SLC23A2: variants seen among roughly 807,000 people sequenced by gnomAD.
The protein encoded by SLC23A2 is Na(+)/L-ascorbic acid transporter 2.
Under a neutral mutation model 73.3 loss-of-function variants are expected in SLC23A2, and 36 were observed. The ratio of observed to expected loss-of-function variants is 0.49; its 90% CI spans 0.38 to 0.65. The LOEUF (loss-of-function observed/expected upper bound fraction) is 0.65. Among genes scored for constraint, SLC23A2 ranks in the 30% least tolerant of loss-of-function variants. SLC23A2 has a pLI of 0.00. For missense variants in SLC23A2, 507 were observed against 841.6 expected (o/e 0.60, Z 4.92); for synonymous variants, 343 against 327.3 (o/e 1.05, Z -0.52).
At chr20:4,910,001 C>A (rs1932085925) in intron 4 of SLC23A2, among the ~76,000 whole-genome samples, 1 of 152,240 alleles carries the variant, frequency 6.6e-6, no homozygotes, top group African/African-American at 2.4e-5. Context: ...CAGGGCAGCA[C>A]ATCCAGTGCA....
At chr20:4,923,942 T>C (rs1932581997) in intron 3 of SLC23A2, among the ~76,000 whole-genome samples, 1 of 152,190 alleles carries the variant, frequency 6.6e-6, no homozygotes, top group African/African-American at 2.4e-5. Flanking sequence ...TGTACCTCCC[T>C]ACATCTTTCT....
chr20:4,933,607 T>C (rs1600146951), intron 2 of SLC23A2, among the ~76,000 whole-genome samples: 1 of 151,432 alleles, frequency 6.6e-6, no homozygotes, highest in East Asian at 1.9e-4. Context: ...CTAGCCCGGA[T>C]GATAGAGTAA....
At chr20:4,892,983 G>A (rs1159698366) in intron 6 of SLC23A2, among the ~76,000 whole-genome samples, 1 of 151,988 alleles carries the variant, frequency 6.6e-6, no homozygotes, top group Non-Finnish European at 1.5e-5. Flanking sequence ...TCTTAGGTGT[G>A]ACAAATGGTC....
At chr20:4,866,714 T>C (rs1177777600) in intron 13 of SLC23A2, among the ~76,000 whole-genome samples, 1 of 152,134 alleles carries the variant, frequency 6.6e-6, no homozygotes, top group Non-Finnish European at 1.5e-5. Flanking sequence ...GCAATCAAGG[T>C]TAATCAAACT....
chr20:4,912,389 G>A (rs1403682449), intron 4 of SLC23A2, among the ~76,000 whole-genome samples: 2 of 151,940 alleles, frequency 1.3e-5, no homozygotes, highest in African/African-American at 4.8e-5. Flanking sequence ...CTTATTTACT[G>A]CACATGTATC....
At chr20:4,941,866 A>G (rs2087047819) in intron 2 of SLC23A2, among the ~76,000 whole-genome samples, 2 of 152,248 alleles carry the variant, frequency 1.3e-5, no homozygotes, top group South Asian at 4.1e-4. Flanking sequence ...AATGAAAAAG[A>G]TAGTATGTAC....
rs1191580934 is a variant in SLC23A2, at chr20:4,998,458, GAGA to G, written c.-282+2945_-282+2947del. 1.3e-5 allele frequency among the ~76,000 whole-genome samples: 2 copies of G among 152,186 alleles called. No homozygotes were observed. Among genetic ancestry groups the G allele is most frequent in the Non-Finnish European group, 2.9e-5 (2 of 68,036 alleles). On this transcript the variant is annotated intron_variant, in intron 1 of 16. Coordinates refer to ENST00000338244, the MANE Select transcript of SLC23A2 (RefSeq NM_005116.6). The surrounding 1 kb of genome is among the most constrained non-coding windows in gnomAD (Gnocchi z 4.1). ...AAAATAGCAAAGCCACAGAGAAAATGAGAAGAACGGCATAGCGCACAAAGGGCT... is the reference window on the plus strand; with the variant it reads ...AAAATAGCAAAGCCACAGAGAAAATGAGAACGGCATAGCGCACAAAGGGCT...
intron 11 of SLC23A2, 30 bp from the exon 12 acceptor site, chr20:4,870,083 C>A: frequency 6.4e-7 from 1 of 1,554,474 alleles, no homozygotes; most frequent in South Asian, 1.2e-5. Context: ...ATGAATGCTC[C>A]TAGAGAGGCA....
Position 4,862,508 on chromosome 20 carries a change from T to G in SLC23A2, c.1486+270A>C, listed in dbSNP as rs1355413072. 2.0e-5 allele frequency among the ~76,000 whole-genome samples: 3 copies of G among 152,202 alleles called. No individual in the cohort carries two copies. The stretch of plus-strand genomic sequence containing the variant: ...GTTTTAAGTAGCCCATTCAGAGGGA[T>G]GGTATTTGAGTTAAATTGGTCAGAA... On this transcript the variant is annotated intron_variant, in intron 14 of 16. Transcript: ENST00000338244. This position sits in a 1 kb window ranked among gnomAD's most constrained non-coding sequence, Gnocchi z 5.1.
intron 7 of SLC23A2, among the ~76,000 whole-genome samples, chr20:4,885,137 C>T (rs1280538303): frequency 6.6e-6 from 1 of 152,192 alleles, no homozygotes; most frequent in Non-Finnish European, 1.5e-5. Flanking sequence ...AAATGCCCGA[C>T]AGCAAGGTTG....
At chr20:4,915,042 G>A (rs972132676) in intron 3 of SLC23A2, among the ~76,000 whole-genome samples, 13 of 151,654 alleles carry the variant, frequency 8.6e-5, no homozygotes, top group South Asian at 2.1e-4. Context: ...TAAATAAATA[G>A]CTAGCTGATG....
At position 4,855,144 on chromosome 20, in the gene SLC23A2, A is replaced by C. The variant is rs920639945; in HGVS notation, c.*1828T>G. ...CTTAATCTGCAGTAAGTTTTTGGCA[A>C]AACAATGCAGTGGCTCCGAGGTGTT... On this transcript the variant is annotated 3_prime_UTR_variant, in exon 17 of 17. Transcript: ENST00000338244. 6.6e-6 allele frequency: 1 copy of C among 152,638 alleles called. No individual in the cohort carries two copies. The highest frequency in any genetic ancestry group is 1.5e-5 in the Non-Finnish European group (1 of 68,038). 9.5% of individuals were successfully genotyped at this position (152,638 alleles called of 1,614,324 possible).
chr20:4,939,361 A>G (rs1285129036), intron 2 of SLC23A2, among the ~76,000 whole-genome samples: 1 of 152,246 alleles, frequency 6.6e-6, no homozygotes, highest in African/African-American at 2.4e-5. Flanking sequence ...GATGTCAGGA[A>G]CAAGTCGGGG....
intron 1 of SLC23A2, among the ~76,000 whole-genome samples, chr20:5,008,455 C>A (rs2088214166): frequency 6.6e-6 from 1 of 152,208 alleles, no homozygotes; most frequent in African/African-American, 2.4e-5. Flanking sequence ...CTTCTGCCTC[C>A]TCCACCCCAG....
At chr20:4,965,541 G>A (rs2087461302) in intron 2 of SLC23A2, among the ~76,000 whole-genome samples, 1 of 152,154 alleles carries the variant, frequency 6.6e-6, no homozygotes, top group Non-Finnish European at 1.5e-5. Flanking sequence ...GGAGGCCAAG[G>A]CAGGCGTATC....
rs553345294 is a variant in SLC23A2 at position 4,972,838 on chromosome 20, G to GC, written c.-281-1920dup. ...GACCTTAGGTGATCCACCCGCCTCG[G>GC]CTCCCAAAGTGCTGGGATTACAGGC... On this transcript the variant is annotated intron_variant, in intron 1 of 16. Transcript: ENST00000338244. Among the ~76,000 whole-genome samples the GC allele has an allele frequency of 9.3e-3, 1,413 of 151,330 alleles. 22 individuals are homozygous for GC. The highest frequency in any genetic ancestry group is 0.039 in the East Asian group (196 of 5,052).
intron 2 of SLC23A2, among the ~76,000 whole-genome samples, chr20:4,955,471 TAACTC>T (rs2087271977): frequency 6.6e-6 from 1 of 151,420 alleles, no homozygotes; most frequent in Non-Finnish European, 1.5e-5. Context: ...ACATGAGCAC[TAACTC>T]GTGATTCCCC....
chr20:4,887,497 G>T (rs1568610227), intron 6 of SLC23A2, among the ~76,000 whole-genome samples: 1 of 152,200 alleles, frequency 6.6e-6, no homozygotes, highest in Non-Finnish European at 1.5e-5. Context: ...CACTGTGTTG[G>T]TGATCCACTG....
chr20:4,900,644 CAA>C (rs905671977), intron 5 of SLC23A2, among the ~76,000 whole-genome samples: 4 of 152,108 alleles, frequency 2.6e-5, no homozygotes, highest in Non-Finnish European at 2.9e-5. Context: ...TTTTCGAAAA[CAA>C]AGAATTCGTC....
Sources: allele counts gnomAD v4.1 joint callset (sites outside exome capture counted in the v4.1 genomes callset), GRCh38; gene constraint gnomAD v4.1.1; non-coding constraint Gnocchi (gnomAD v3.1); transcripts MANE v1.5; gene names NCBI Gene and HGNC (gene_info 2026-07-23, HGNC 2026-07-21).